MACF1: variants seen among roughly 807,000 people sequenced by gnomAD.
MACF1 encodes microtubule actin crosslinking factor 1.
A neutral mutation model predicts 854.8 loss-of-function variants in MACF1; 193 were observed. That is an observed-to-expected ratio of 0.23 (90% CI 0.20 to 0.25). The LOEUF is 0.25. Among genes scored for constraint, MACF1 ranks in the 10% least tolerant of loss-of-function variants. The pLI, the probability that MACF1 is intolerant of heterozygous loss-of-function variation, is 1.00. For synonymous variants in MACF1, 3,185 were observed against 3,226.7 expected, an observed-to-expected ratio of 0.99 and a Z score of 0.44; for missense variants, 7,722 against 8,929.1, an observed-to-expected ratio of 0.86 and a Z score of 5.45.
intron 6 of MACF1, among the ~76,000 whole-genome samples, chr1:39,273,392 AAG>A (rs1197938096): frequency 4.6e-5 from 7 of 151,972 alleles, no homozygotes; most frequent in African/African-American, 1.7e-4. Context: ...AATGATAAGA[AAG>A]AGGTTGGTTG....
intron 6 of MACF1, among the ~76,000 whole-genome samples, chr1:39,264,262 G>A (rs1645203943): frequency 6.6e-6 from 1 of 152,140 alleles, no homozygotes. Context: ...TGGAATTGCT[G>A]GGTTATATAC....
At chr1:39,174,437 C>T (rs1310646033) in intron 2 of MACF1, among the ~76,000 whole-genome samples, 3 of 152,020 alleles carry the variant, frequency 2.0e-5, no homozygotes, top group East Asian at 1.9e-4. Context: ...TTTATTTTTT[C>T]GATTAGTAAT....
intron 1 of MACF1, among the ~76,000 whole-genome samples, chr1:39,214,466 C>T (rs1157008957): frequency 6.6e-6 from 1 of 152,186 alleles, no homozygotes; most frequent in Non-Finnish European, 1.5e-5. Flanking sequence ...GAGTTAAGTG[C>T]ACTGACTGTA....
chr1:39,297,206 G>A (rs1172492283), intron 20 of MACF1, among the ~76,000 whole-genome samples: 1 of 152,134 alleles, frequency 6.6e-6, no homozygotes, highest in Non-Finnish European at 1.5e-5. Context: ...GATTACAGGC[G>A]TGAGCCACCG....
At chr1:39,443,012 T>A in intron 78 of MACF1, 101 bp downstream of exon 78, 1 of 1,194,032 alleles carries the variant, frequency 8.4e-7, no homozygotes, top group South Asian at 1.4e-5. Flanking sequence ...AAGAATCCCT[T>A]ATGTCTTGAG....
chr1:39,338,950 G>GA (rs1314794971), intron 38 of MACF1, among the ~76,000 whole-genome samples: 1 of 152,114 alleles, frequency 6.6e-6, no homozygotes, highest in Non-Finnish European at 1.5e-5. Flanking sequence ...CAAAGAAAAA[G>GA]AAACTTGGAC....
chr1:39,427,853 T>G, intron 62 of MACF1, 108 bp from the exon 63 acceptor site: 1 of 1,047,000 alleles, frequency 9.6e-7, no homozygotes, highest in East Asian at 2.6e-5. Context: ...TTTCAGTCGG[T>G]GAGTTTTTTA....
intron 1 of MACF1, among the ~76,000 whole-genome samples, chr1:39,214,826 A>G (rs1249180006): frequency 6.6e-6 from 1 of 152,156 alleles, no homozygotes; most frequent in Non-Finnish European, 1.5e-5. Flanking sequence ...GGTTAACACT[A>G]TATGTACTTC....
intron 1 of MACF1, among the ~76,000 whole-genome samples, chr1:39,213,940 C>T (rs1644546323): frequency 6.6e-6 from 1 of 152,102 alleles, no homozygotes; most frequent in South Asian, 2.1e-4. Flanking sequence ...GGGAGGGATA[C>T]CCACTTGGGA....
chr1:39,368,080 C>A lies in MACF1; in HGVS notation c.12772-68C>A, dbSNP rs188275635. The A allele has an allele frequency of 2.3e-5, 31 of 1,357,136 alleles. No individual in the cohort carries two copies. In the Admixed American group the frequency reaches 5.5e-4, roughly 24 times the overall value. 84.1% of individuals were successfully genotyped at this position (1,357,136 alleles called of 1,614,324 possible). ...TTGACCTGGCAAGCATACCTCTTTC[C>A]TTATTCCTTTTTAGAGTATATTTAT... On this transcript the variant is annotated intron_variant, in intron 49 of 100. Coordinates refer to ENST00000564288, the MANE Select transcript of MACF1 (RefSeq NM_001394062.1).
At chr1:39,359,697 G>A (rs77272797) in intron 47 of MACF1, among the ~76,000 whole-genome samples, 5,272 of 151,880 alleles carry the variant, frequency 0.035, 288 homozygotes, top group African/African-American at 0.12. Flanking sequence ...CAGGCCGGGC[G>A]TGGTGGCTCA....
rs750645508 is a variant in MACF1, at chr1:39,284,451, G to A, written c.1131+23G>A. 2.0e-6 allele frequency: 3 copies of A among 1,501,138 alleles called. No individual in the cohort carries two copies. The Admixed American group carries it at 6.3e-5, about 32-fold the overall frequency. The allele number at this position is 1,501,138 out of a possible 1,614,324, so 93.0% of individuals were successfully genotyped here. ...GAGGTAAGTGAGCTTATCCTTTGCTGAGACTTGGGGTTTGCTGGTCTGTAC... is the reference window on the plus strand; with the variant it reads ...GAGGTAAGTGAGCTTATCCTTTGCTAAGACTTGGGGTTTGCTGGTCTGTAC... On this transcript the variant is annotated intron_variant, in intron 11 of 100. Transcript: ENST00000564288.
At chr1:39,288,364 G>C (rs1052502034) in intron 15 of MACF1, among the ~76,000 whole-genome samples, 2 of 152,042 alleles carry the variant, frequency 1.3e-5, no homozygotes, top group Non-Finnish European at 2.9e-5. Context: ...CAGGTGTGGT[G>C]GTGGGCGCCT....
In MACF1 at chr1:39,283,021, C is replaced by T. The variant is rs531773457; in HGVS notation, c.696-168C>T. The T allele has an allele frequency of 3.3e-4, 192 of 573,196 alleles. No homozygotes were observed. Among genetic ancestry groups the T allele is most frequent in the Non-Finnish European group, 5.5e-4 (177 of 323,126 alleles). The allele number at this position is 573,196 out of a possible 1,614,324, so 35.5% of individuals were successfully genotyped here. Reference sequence around the variant, plus strand: ...GTTTAGCATTAGGGAGCACTGGGCCCCTGGTGTATACTTAAAAATGGAATT... The same window carrying T: ...GTTTAGCATTAGGGAGCACTGGGCCTCTGGTGTATACTTAAAAATGGAATT... On this transcript the variant is annotated intron_variant, in intron 7 of 100. Transcript: ENST00000564288. The surrounding 1 kb of genome is among the most constrained non-coding windows in gnomAD (Gnocchi z 4.5).
chr1:39,315,408 G>A, intron 26 of MACF1, 105 bp from the exon 27 acceptor site: 1 of 917,488 alleles, frequency 1.1e-6, no homozygotes, highest in Non-Finnish European at 1.7e-6. Flanking sequence ...CCTATATATG[G>A]GCATTTAGGT....
At chr1:39,227,403 T>C (rs1644728660) in intron 1 of MACF1, among the ~76,000 whole-genome samples, 1 of 152,212 alleles carries the variant, frequency 6.6e-6, no homozygotes, top group East Asian at 1.9e-4. Context: ...TACAAAAAAG[T>C]AAATCATGTT....
At position 39,442,274 on chromosome 1, in the gene MACF1, T is replaced by G. The variant is rs747884715; in HGVS notation, c.18902T>G (p.Leu6301Arg). The G allele has an allele frequency of 6.2e-7, 1 of 1,607,546 alleles. No homozygotes were observed. The highest frequency in any genetic ancestry group is 8.5e-7 in the Non-Finnish European group (1 of 1,177,928). ...RDIIREPLTE[L>R]KHLWENLGEK... ...ATTATACGAGAACCACTGACAGAAC[T>G]CAAACACCTCTGGGAGAACCTGGGT... is the stretch of plus-strand genomic sequence containing the variant. Residue 6301 changes from leucine (L) to arginine (R), a missense_variant, in exon 76 of 101, where the codon CTC (leucine) becomes CGC (arginine). Physicochemically the swap from Leu to Arg is moderately radical, Grantham distance 102 (BLOSUM62 -2). Coordinates refer to ENST00000564288, the MANE Select transcript of MACF1 (RefSeq NM_001394062.1).
chr1:39,154,560 C>T (rs1433513880), intron 2 of MACF1, among the ~76,000 whole-genome samples: 1 of 151,972 alleles, frequency 6.6e-6, no homozygotes, highest in African/African-American at 2.4e-5. Context: ...TTCTAGGGGG[C>T]TTTGGGGGAA....
intron 38 of MACF1, among the ~76,000 whole-genome samples, chr1:39,338,020 C>T (rs146258204): frequency 0.021 from 3,200 of 152,182 alleles, 127 homozygotes; most frequent in African/African-American, 0.074. Context: ...CTGCCCTCCT[C>T]GGCCTCCCAA....
Sources: gnomAD v4.1 joint callset for allele counts (sites outside exome capture counted in the v4.1 genomes callset) on GRCh38, gnomAD v4.1.1 for gene constraint, Gnocchi (gnomAD v3.1) non-coding constraint, MANE v1.5 for transcripts, NCBI Gene and HGNC (gene_info 2026-07-23, HGNC 2026-07-21) for gene names.